The following PCDHA2 variants were observed in gnomAD, a reference collection of about 807,000 sequenced individuals.
PCDHA2 encodes protocadherin alpha 2.
A neutral mutation model predicts 66.0 loss-of-function variants in PCDHA2; 58 were observed. The observed-to-expected ratio is 0.88, with a 90% CI of 0.71 to 1.09. The LOEUF (loss-of-function observed/expected upper bound fraction) is 1.09, where lower values mean the gene tolerates loss of function less well. Among genes scored for constraint, PCDHA2 ranks in the 50% least tolerant of loss-of-function variants. The probability of loss-of-function intolerance (pLI) is 0.00; values close to 1 mark genes in which losing one functional copy is unlikely to be tolerated. For synonymous variants in PCDHA2, 634 were observed against 554.0 expected (o/e 1.14, Z -2.03); for missense variants, 1,267 against 1,242.3 (o/e 1.02, Z -0.30).
At chr5:140,800,167 A>T (rs1762516998) in intron 1 of PCDHA2, among the ~76,000 whole-genome samples, 2 of 152,170 alleles carry the variant, frequency 1.3e-5, no homozygotes, top group Non-Finnish European at 2.9e-5. Flanking sequence ...TCAAATACAT[A>T]AAGAGTGTGG....
chr5:140,929,875 G>A lies in PCDHA2; in HGVS notation c.2389-49074G>A, dbSNP rs1326750420. 4 of 153,064 alleles carry A rather than the reference G, an allele frequency of 2.6e-5. No individual in the cohort carries two copies. The East Asian group carries it at 7.7e-4, about 29-fold the overall frequency. 9.5% of individuals were successfully genotyped at this position (153,064 alleles called of 1,614,324 possible). A position where few individuals can be genotyped will look rare whatever the true frequency, so the allele number is the denominator to read the frequency against. On this transcript the variant is annotated intron_variant, in intron 1 of 3. Transcript: ENST00000526136. ...GAGTCAGAGAAGGCTTTGTGATAGAGATCACAGATTTAGTTGGATCTTTAA... is the reference window on the plus strand; with the variant it reads ...GAGTCAGAGAAGGCTTTGTGATAGAAATCACAGATTTAGTTGGATCTTTAA...
At chr5:141,009,255 G>A (rs2098403504) in intron 3 of PCDHA2, among the ~76,000 whole-genome samples, 1 of 152,162 alleles carries the variant, frequency 6.6e-6, no homozygotes. Context: ...CAGTGTTTGA[G>A]ACCAGCCTGG....
At chr5:140,848,979 A>G in intron 1 of PCDHA2, 1 of 1,599,958 alleles carries the variant, frequency 6.3e-7, no homozygotes, top group Non-Finnish European at 8.5e-7. Flanking sequence ...CGATGCAGAT[A>G]TCGGGGAGAA....
chr5:140,852,875 C>A, intron 1 of PCDHA2: 1 of 937,156 alleles, frequency 1.1e-6, no homozygotes, highest in Non-Finnish European at 1.3e-6. Flanking sequence ...CATCAATAAT[C>A]ATAAAACGTA....
At chr5:140,801,785 GA>G (rs782411180) in intron 1 of PCDHA2, 35 of 1,613,194 alleles carry the variant, frequency 2.2e-5, no homozygotes, top group South Asian at 5.5e-5. Flanking sequence ...GACTCGTGTT[GA>G]AAAAAAATTT....
chr5:140,926,812 G>C, intron 1 of PCDHA2: 3 of 1,459,082 alleles, frequency 2.1e-6, no homozygotes, highest in Non-Finnish European at 1.8e-6. Flanking sequence ...CCCGCGGCTC[G>C]TGCTCTCCAG....
chr5:140,953,553 C>T (rs1364050066), intron 1 of PCDHA2, among the ~76,000 whole-genome samples: 1 of 152,060 alleles, frequency 6.6e-6, no homozygotes, highest in East Asian at 1.9e-4. Flanking sequence ...TTCTTTTCTC[C>T]AAGTTTTAGT....
At chr5:140,995,819 C>T (rs1045622508) in intron 3 of PCDHA2, among the ~76,000 whole-genome samples, 1 of 152,088 alleles carries the variant, frequency 6.6e-6, no homozygotes, top group African/African-American at 2.4e-5. Flanking sequence ...AGGGAGATAG[C>T]CTGGCATTGC....
chr5:140,935,605 T>C (rs1554210594), intron 1 of PCDHA2, among the ~76,000 whole-genome samples: 4 of 152,228 alleles, frequency 2.6e-5, no homozygotes. Flanking sequence ...AGAGCTAGGC[T>C]TTTTTCAAGT....
In PCDHA2 at chr5:140,796,722, T is replaced by G. The variant is rs782811954; in HGVS notation, c.1758T>G (p.Gly586=). 2 of 1,613,878 alleles carry G rather than the reference T, an allele frequency of 1.2e-6. No individual in the cohort carries two copies. Among genetic ancestry groups the G allele is most frequent in the African/African-American group, 2.7e-5 (2 of 74,922 alleles). The change falls in exon 1 of 4, where the codon GGT becomes GGG. Residue 586 remains glycine, a synonymous_variant. Coordinates refer to ENST00000526136, the MANE Select transcript of PCDHA2 (RefSeq NM_018905.3). ...AVSELVPWSV[G]AGHVVAKVRA... is the part of the protein sequence containing the mutation. Reference sequence around the variant, plus strand: ...GTGAGCTGGTGCCGTGGTCGGTGGGTGCAGGGCACGTGGTGGCGAAGGTGC... The same window carrying G: ...GTGAGCTGGTGCCGTGGTCGGTGGGGGCAGGGCACGTGGTGGCGAAGGTGC...
intron 1 of PCDHA2, chr5:140,850,334 A>G (rs2041532425): frequency 6.3e-7 from 1 of 1,597,666 alleles, no homozygotes. Context: ...AGCTGCAGCC[A>G]GAAACGGCCA....
At chr5:140,805,144 T>C (rs1763517709) in intron 1 of PCDHA2, 3 of 1,568,270 alleles carry the variant, frequency 1.9e-6, no homozygotes, top group African/African-American at 1.3e-5. Flanking sequence ...TTGAAGACTT[T>C]GGAATTTTCA....
intron 1 of PCDHA2, among the ~76,000 whole-genome samples, chr5:140,937,385 T>G (rs1022137225): frequency 2.6e-5 from 4 of 152,170 alleles, no homozygotes; most frequent in Admixed American, 2.6e-4. Flanking sequence ...TGTGTGTATG[T>G]GTATATAGGG....
At chr5:140,962,622 G>A (rs1389569825) in intron 1 of PCDHA2, among the ~76,000 whole-genome samples, 2 of 152,130 alleles carry the variant, frequency 1.3e-5, no homozygotes, top group African/African-American at 2.4e-5. Context: ...AGGGAGATGT[G>A]AAAAAATTTA....
chr5:140,877,054 C>T (rs1226224209), intron 1 of PCDHA2: 3 of 1,612,658 alleles, frequency 1.9e-6, no homozygotes, highest in African/African-American at 2.7e-5. Flanking sequence ...CCACGAGGAG[C>T]TGGAGCTGCT....
At chr5:140,983,807 G>GT (rs1418454252) in intron 3 of PCDHA2, among the ~76,000 whole-genome samples, 1 of 152,100 alleles carries the variant, frequency 6.6e-6, no homozygotes, top group East Asian at 1.9e-4. Flanking sequence ...TGTGTAAAAG[G>GT]TTTTTTCCCA....
At chr5:140,887,984 A>G (rs2061657027) in intron 1 of PCDHA2, among the ~76,000 whole-genome samples, 1 of 152,178 alleles carries the variant, frequency 6.6e-6, no homozygotes, top group Admixed American at 6.5e-5. Context: ...TTTATTTTAC[A>G]TGTCTCCACC....
At chr5:140,973,276 C>G (rs1416819589) in intron 1 of PCDHA2, among the ~76,000 whole-genome samples, 1 of 152,132 alleles carries the variant, frequency 6.6e-6, no homozygotes, top group African/African-American at 2.4e-5. Context: ...TTTATTTCCC[C>G]CAGCACTGAT....
At chr5:140,841,910 A>C (rs2150325342) in intron 1 of PCDHA2, 2 of 1,613,928 alleles carry the variant, frequency 1.2e-6, no homozygotes, top group Admixed American at 3.3e-5. Context: ...GCTCGTATTA[A>C]GAAAATCCTT....
Sources: allele counts gnomAD v4.1 joint callset (sites outside exome capture counted in the v4.1 genomes callset), GRCh38; gene constraint gnomAD v4.1.1; transcripts MANE v1.5; gene names NCBI Gene and HGNC (gene_info 2026-07-23, HGNC 2026-07-21).